The following NALF1 variants were observed in gnomAD, a reference collection of about 807,000 sequenced individuals.
NALF1 encodes the protein NALCN channel auxiliary factor 1.
NALF1 carries 3 observed loss-of-function variants against 48.4 expected under a neutral mutation model. The ratio of observed to expected loss-of-function variants is 0.06; its 90% CI spans 0.03 to 0.16. NALF1 has a LOEUF of 0.16. NALF1 is among the 10% of genes least tolerant of loss of function. NALF1 has a pLI of 1.00. For missense variants in NALF1, 526 were observed against 571.5 expected (o/e 0.92, Z 0.81); for synonymous variants, 262 against 245.7 (o/e 1.07, Z -0.62).
chr13:107,431,973 C>G (rs1472744129), intron 1 of NALF1, among the ~76,000 whole-genome samples: 2 of 152,138 alleles, frequency 1.3e-5, no homozygotes, highest in African/African-American at 2.4e-5. Flanking sequence ...TATTTTCTGT[C>G]TGTGTTAGAC....
At chr13:107,354,345 G>C (rs74826015) in intron 1 of NALF1, among the ~76,000 whole-genome samples, 2,012 of 152,108 alleles carry the variant, frequency 0.013, 41 homozygotes, top group African/African-American at 0.046. Context: ...AAAGGGTAAA[G>C]AATCAAAAAG....
chr13:107,843,978 T>C (rs953794973), intron 1 of NALF1, among the ~76,000 whole-genome samples: 1 of 152,176 alleles, frequency 6.6e-6, no homozygotes, highest in African/African-American at 2.4e-5. Flanking sequence ...CATTGAGTTA[T>C]TTCCACTCAG....
In NALF1 at chr13:107,470,792, T is replaced by G. The variant is rs537702534; in HGVS notation, c.916-260037A>C. ...AGATAATGATTTTATATAGTCATAT[T>G]ATTATAATATAATACACATATACAT... On this transcript the variant is annotated intron_variant, in intron 1 of 2. Coordinates refer to ENST00000375915, the MANE Select transcript of NALF1 (RefSeq NM_001080396.3). Among the ~76,000 whole-genome samples the G allele has an allele frequency of 8.5e-5, 13 of 152,282 alleles. No homozygotes were observed. The East Asian group carries it at 2.3e-3, about 27-fold the overall frequency.
intron 1 of NALF1, among the ~76,000 whole-genome samples, chr13:107,806,013 T>C (rs998337371): frequency 4.6e-5 from 7 of 152,200 alleles, no homozygotes; most frequent in Admixed American, 2.6e-4. Flanking sequence ...TTTTGTAGAA[T>C]TATATAGAAA....
intron 1 of NALF1, among the ~76,000 whole-genome samples, chr13:107,485,250 C>T (rs1199291456): frequency 6.6e-6 from 1 of 152,116 alleles, no homozygotes. Context: ...TTCGTGATTG[C>T]CAATTAGACT....
At chr13:107,778,563 A>G (rs1186427396) in intron 1 of NALF1, among the ~76,000 whole-genome samples, 3 of 152,246 alleles carry the variant, frequency 2.0e-5, no homozygotes, top group African/African-American at 7.2e-5. Flanking sequence ...AGCAGGTTTC[A>G]GGCTAGGATT....
chr13:107,301,631 C>T (rs1881839159), intron 1 of NALF1, among the ~76,000 whole-genome samples: 1 of 152,028 alleles, frequency 6.6e-6, no homozygotes, highest in Non-Finnish European at 1.5e-5. Flanking sequence ...TTATTACATA[C>T]GTCTACATAA....
chr13:107,556,734 A>T (rs1877495614), intron 1 of NALF1, among the ~76,000 whole-genome samples: 1 of 151,924 alleles, frequency 6.6e-6, no homozygotes, highest in African/African-American at 2.4e-5. Flanking sequence ...GATCCACCCG[A>T]CTCAGCCTCC....
intron 1 of NALF1, among the ~76,000 whole-genome samples, chr13:107,477,693 T>C (rs1037184731): frequency 6.6e-6 from 1 of 152,078 alleles, no homozygotes; most frequent in East Asian, 1.9e-4. Flanking sequence ...CAGGACTCTT[T>C]TTTTTAAAAT....
At chr13:107,332,106 GCAAA>G (rs1289015794) in intron 1 of NALF1, among the ~76,000 whole-genome samples, 1 of 152,114 alleles carries the variant, frequency 6.6e-6, no homozygotes, top group Non-Finnish European at 1.5e-5. Context: ...TTAGGTCTTT[GCAAA>G]CAAACCCATT....
At chr13:107,263,354 G>A (rs1424268113) in intron 1 of NALF1, among the ~76,000 whole-genome samples, 2 of 151,550 alleles carry the variant, frequency 1.3e-5, no homozygotes, top group Non-Finnish European at 1.5e-5. Context: ...ATTACAGAAA[G>A]CATTTTGATT....
intron 1 of NALF1, among the ~76,000 whole-genome samples, chr13:107,447,778 A>T (rs1448685688): frequency 6.6e-6 from 1 of 152,128 alleles, no homozygotes. Flanking sequence ...GACACCCAGA[A>T]TCAAAGCCCA....
At chr13:107,526,341 C>T (rs1876439383) in intron 1 of NALF1, among the ~76,000 whole-genome samples, 2 of 152,126 alleles carry the variant, frequency 1.3e-5, no homozygotes, top group African/African-American at 4.8e-5. Flanking sequence ...CTTTTCCTGG[C>T]AGCAATATAT....
At chr13:107,532,093 C>T (rs1382586657) in intron 1 of NALF1, among the ~76,000 whole-genome samples, 1 of 151,952 alleles carries the variant, frequency 6.6e-6, no homozygotes, top group African/African-American at 2.4e-5. Context: ...TACAAGCTAC[C>T]CTTTTGTATA....
chr13:107,853,544 C>G (rs982399578), intron 1 of NALF1, among the ~76,000 whole-genome samples: 1 of 152,078 alleles, frequency 6.6e-6, no homozygotes, highest in Admixed American at 6.6e-5. Flanking sequence ...ATTGGGAACA[C>G]CAAAGATTAT....
At chr13:107,219,684 A>G (rs1879951099) in intron 1 of NALF1, among the ~76,000 whole-genome samples, 1 of 152,204 alleles carries the variant, frequency 6.6e-6, no homozygotes, top group African/African-American at 2.4e-5. Context: ...CAATAATACC[A>G]ACGCACTGAG....
At chr13:107,647,241 T>C (rs558972384) in intron 1 of NALF1, among the ~76,000 whole-genome samples, 159 of 152,130 alleles carry the variant, frequency 1.0e-3, no homozygotes, top group South Asian at 2.1e-3. Context: ...GATGAGGATG[T>C]TCCCTGGAAA....
At chr13:107,671,060 G>T (rs1880979617) in intron 1 of NALF1, among the ~76,000 whole-genome samples, 1 of 151,954 alleles carries the variant, frequency 6.6e-6, no homozygotes, top group Non-Finnish European at 1.5e-5. Flanking sequence ...CGAAAATGTT[G>T]TATGTTCAAC....
At chr13:107,266,474 T>G (rs1881041058) in intron 1 of NALF1, among the ~76,000 whole-genome samples, 2 of 152,196 alleles carry the variant, frequency 1.3e-5, no homozygotes, top group African/African-American at 4.8e-5. Context: ...TGGCATCATT[T>G]CTTCTTATTT....
Sources: allele counts gnomAD v4.1 joint callset (sites outside exome capture counted in the v4.1 genomes callset), GRCh38; gene constraint gnomAD v4.1.1; transcripts MANE v1.5; gene names NCBI Gene and HGNC (gene_info 2026-07-23, HGNC 2026-07-21).